The following NBL1 variants were observed in gnomAD, a reference collection of about 807,000 sequenced individuals.
NBL1 encodes NBL1, DAN family BMP antagonist.
In NBL1, 9 loss-of-function variants were observed where a neutral mutation model predicts 16.0. The ratio of observed to expected loss-of-function variants is 0.56; its 90% CI spans 0.34 to 0.98. NBL1 has a LOEUF of 0.98. Ranked by LOEUF, NBL1 falls within the 50% of genes least tolerant of loss-of-function variation. The pLI, the probability that NBL1 is intolerant of heterozygous loss-of-function variation, is 0.02. For missense variants in NBL1, 196 were observed against 243.1 expected, an observed-to-expected ratio of 0.81 and a Z score of 1.29; for synonymous variants, 86 against 100.7, an observed-to-expected ratio of 0.85 and a Z score of 0.87.
At chr1:19,653,490 C>T (rs760121349) in intron 1 of NBL1, among the ~76,000 whole-genome samples, 1 of 152,094 alleles carries the variant, frequency 6.6e-6, no homozygotes, top group African/African-American at 2.4e-5. Flanking sequence ...GTAAAGAATC[C>T]CTGACTGAGC....
At chr1:19,654,646 T>A (rs1050717483) in intron 1 of NBL1, among the ~76,000 whole-genome samples, 1 of 152,116 alleles carries the variant, frequency 6.6e-6, no homozygotes, top group Middle Eastern at 3.2e-3. Flanking sequence ...CGCAATCCTG[T>A]GCCAGGCAGT....
chr1:19,646,555 G>A (rs2100393604), intron 1 of NBL1, among the ~76,000 whole-genome samples: 1 of 152,252 alleles, frequency 6.6e-6, no homozygotes. Flanking sequence ...AATTTCAGTT[G>A]CACCATTCAA....
chr1:19,651,348 A>C (rs946061663), intron 1 of NBL1, among the ~76,000 whole-genome samples: 3 of 152,198 alleles, frequency 2.0e-5, no homozygotes, highest in Non-Finnish European at 2.9e-5. Flanking sequence ...CTCTGTGGAC[A>C]CAGCTGGCCC....
chr1:19,647,315 A>G (rs967152142), intron 1 of NBL1, among the ~76,000 whole-genome samples: 7 of 152,184 alleles, frequency 4.6e-5, no homozygotes, highest in African/African-American at 1.7e-4. Flanking sequence ...ACCACCAGCT[A>G]TTCTGGAGGC....
Position 19,655,140 on chromosome 1 carries a change from C to G in NBL1, c.110C>G (p.Ala37Gly). The G allele has an allele frequency of 1.2e-6, 2 of 1,611,386 alleles. No homozygotes were observed. Among genetic ancestry groups the G allele is most frequent in the South Asian group, 1.1e-5 (1 of 90,654 alleles). ...CCAGATAAGAGTGCCTGGTGCGAAG[C>G]CAAGAACATCACCCAGATCGTGGGC... ...LFPDKSAWCE[A>G]KNITQIVGHS... Residue 37 changes from alanine to glycine, a missense_variant, in exon 2 of 4, where the codon GCC (alanine) becomes GGC (glycine). Physicochemically the swap from Ala to Gly is moderately conservative, Grantham distance 60. Transcript: ENST00000375136.
chr1:19,656,817 G>T, intron 3 of NBL1, 49 bp from the exon 4 acceptor site: 1 of 1,559,752 alleles, frequency 6.4e-7, no homozygotes, highest in Non-Finnish European at 8.7e-7. Flanking sequence ...TGCCTTGCCT[G>T]CCCCAGACCT....
chr1:19,648,652 C>T (rs2095000526), intron 1 of NBL1, among the ~76,000 whole-genome samples: 1 of 152,058 alleles, frequency 6.6e-6, no homozygotes, highest in Non-Finnish European at 1.5e-5. Context: ...TTCCACGGTG[C>T]CAAAATGGGT....
intron 1 of NBL1, among the ~76,000 whole-genome samples, chr1:19,652,031 C>T (rs114857251): frequency 0.014 from 2,172 of 152,308 alleles, 43 homozygotes; most frequent in Non-Finnish European, 0.019. Flanking sequence ...GTGTGAGCCA[C>T]CATGCCTGGC....
chr1:19,647,869 G>A (rs1042139138), intron 1 of NBL1, among the ~76,000 whole-genome samples: 1 of 142,448 alleles, frequency 7.0e-6, no homozygotes, highest in Non-Finnish European at 1.5e-5. Context: ...GTGTGTGCGT[G>A]TGTGTGTGTG....
chr1:19,647,706 G>T, intron 1 of NBL1: 1 of 982,952 alleles, frequency 1.0e-6, no homozygotes, highest in Non-Finnish European at 1.2e-6. Flanking sequence ...GGGGCCAAGT[G>T]TGGGGAGGTT....
chr1:19,655,473 G>A (rs377584402), intron 3 of NBL1, 38 bp downstream of exon 3: 108 of 1,606,010 alleles, frequency 6.7e-5, no homozygotes, highest in Admixed American at 1.0e-4. Context: ...GTCTCGGCCC[G>A]GAGCCTGCCC....
rs1469674765 is a variant in NBL1 at position 19,657,312 on chromosome 1, A to G, written c.*183A>G. 2.1e-6 allele frequency: 1 copy of G among 471,986 alleles called. No individual in the cohort carries two copies. The highest frequency in any genetic ancestry group is 3.2e-5 in the Admixed American group (1 of 30,784). The allele number at this position is 471,986 out of a possible 1,614,324, so 29.2% of individuals were successfully genotyped here. On this transcript the variant is annotated 3_prime_UTR_variant, in exon 4 of 4. Coordinates refer to ENST00000375136, the MANE Select transcript of NBL1 (RefSeq NM_005380.8). Reference sequence around the variant, plus strand: ...AGGGGCGGGGTTAGAGCCAAGCTGCACAATTTAATATATTCAAGAGTGGGG... The same window carrying G: ...AGGGGCGGGGTTAGAGCCAAGCTGCGCAATTTAATATATTCAAGAGTGGGG...
rs561655286 is a variant in NBL1, at chr1:19,649,180, C to G, written c.-20+4734C>G. 1.1e-3 allele frequency among the ~76,000 whole-genome samples: 170 copies of G among 152,212 alleles called. 1 individual carries two copies. Among genetic ancestry groups the G allele is most frequent in the African/African-American group, 3.8e-3 (158 of 41,530 alleles). On this transcript the variant is annotated intron_variant, in intron 1 of 3. Transcript: ENST00000375136. ...GTTCAAATCCCGGTTCTCCTGTTTACTAACAGTGTAAGCCCAAGCAGATTT... is the reference window on the plus strand; with the variant it reads ...GTTCAAATCCCGGTTCTCCTGTTTAGTAACAGTGTAAGCCCAAGCAGATTT...
At chr1:19,647,057 G>A (rs527530121) in intron 1 of NBL1, among the ~76,000 whole-genome samples, 2 of 152,154 alleles carry the variant, frequency 1.3e-5, no homozygotes, top group Non-Finnish European at 2.9e-5. Flanking sequence ...TATGATGGGC[G>A]ATCTCTCCAG....
chr1:19,651,893 T>TA (rs1011805108), intron 1 of NBL1, among the ~76,000 whole-genome samples: 1 of 152,052 alleles, frequency 6.6e-6, no homozygotes, highest in South Asian at 2.1e-4. Context: ...AGTGTGATAA[T>TA]AAAAAAATAT....
At chr1:19,643,556 T>C, upstream of NBL1, 1 of 1,438,012 alleles carries the variant, frequency 7.0e-7, no homozygotes, top group Non-Finnish European at 9.1e-7. The surrounding 1 kb of genome is among the most constrained non-coding windows in gnomAD (Gnocchi z 4.7). Context: ...GCCCACTGAT[T>C]AGATAGGAAC....
At position 19,644,519 on chromosome 1, in the gene NBL1, C is replaced by T; in HGVS notation, c.-20+73C>T. The T allele has an allele frequency of 1.2e-6, 1 of 856,352 alleles. No individual in the cohort carries two copies. The highest frequency in any genetic ancestry group is 1.4e-6 in the Non-Finnish European group (1 of 714,362). The allele number at this position is 856,352 out of a possible 1,614,324, so 53.0% of individuals were successfully genotyped here. ...TCGGCCGCGGGGGCAGTGCCGCGCCCCCAGCCCGGAGCTGCGTCCCCCGGC... is the reference window on the plus strand; with the variant it reads ...TCGGCCGCGGGGGCAGTGCCGCGCCTCCAGCCCGGAGCTGCGTCCCCCGGC... On this transcript the variant is annotated intron_variant, in intron 1 of 3. Transcript: ENST00000375136. This position sits in a 1 kb window ranked among gnomAD's most constrained non-coding sequence, Gnocchi z 4.6.
rs6669757 is a variant in NBL1 at position 19,644,359 on chromosome 1, C to A, written c.-107C>A. 259,087 of 978,182 alleles carry A rather than the reference C, an allele frequency of 0.26. 42,800 individuals are homozygous for A. The highest frequency in any genetic ancestry group is 0.79 in the African/African-American group (44,398 of 56,500). The allele number at this position is 978,182 out of a possible 1,614,324, so 60.6% of individuals were successfully genotyped here. On this transcript the variant is annotated 5_prime_UTR_variant, in exon 1 of 4. Transcript: ENST00000375136. This position sits in a 1 kb window ranked among gnomAD's most constrained non-coding sequence, Gnocchi z 4.6. Reference sequence around the variant, plus strand: ...AGCCGAGCGTCGCGGGGCCGCCCCCCGCCCTGCCGGCCGCCTCGCCGAGCC... The same window carrying A: ...AGCCGAGCGTCGCGGGGCCGCCCCCAGCCCTGCCGGCCGCCTCGCCGAGCC...
At chr1:19,645,874 C>T in intron 1 of NBL1, 1 of 1,533,338 alleles carries the variant, frequency 6.5e-7, no homozygotes. Context: ...TCCCCCCACC[C>T]ACAACCTCAA....
Sources: allele counts gnomAD v4.1 joint callset (sites outside exome capture counted in the v4.1 genomes callset), GRCh38; gene constraint gnomAD v4.1.1; non-coding constraint Gnocchi (gnomAD v3.1); transcripts MANE v1.5; gene names NCBI Gene and HGNC (gene_info 2026-07-23, HGNC 2026-07-21).